The following SERGEF variants were observed in gnomAD, a reference collection of about 807,000 sequenced individuals.
The protein encoded by SERGEF is secretion regulating guanine nucleotide exchange factor, also known as secretion-regulating guanine nucleotide exchange factor.
A neutral mutation model predicts 50.0 loss-of-function variants in SERGEF; 51 were observed. The ratio of observed to expected loss-of-function variants is 1.02; its 90% CI spans 0.81 to 1.29. The LOEUF is 1.29. Ranked by LOEUF, SERGEF falls within the 50% of genes most tolerant of loss-of-function variation. The pLI is 0.00. For synonymous variants in SERGEF, 205 were observed against 212.4 expected, an observed-to-expected ratio of 0.97 and a Z score of 0.30; for missense variants, 521 against 557.0, an observed-to-expected ratio of 0.94 and a Z score of 0.65.
At chr11:17,797,918 C>A (rs1849598655) in intron 10 of SERGEF, among the ~76,000 whole-genome samples, 1 of 152,104 alleles carries the variant, frequency 6.6e-6, no homozygotes, top group South Asian at 2.1e-4. Context: ...GGTCCTGAGC[C>A]CCCAGGACAG....
At chr11:17,866,180 C>T (rs1320025857) in intron 10 of SERGEF, among the ~76,000 whole-genome samples, 5 of 152,228 alleles carry the variant, frequency 3.3e-5, no homozygotes, top group Admixed American at 2.0e-4. Flanking sequence ...TTCTGAATAG[C>T]ACAAGCTAGA....
intron 6 of SERGEF, among the ~76,000 whole-genome samples, chr11:17,993,630 A>G (rs758469517): frequency 3.9e-5 from 6 of 152,198 alleles, no homozygotes; most frequent in Non-Finnish European, 8.8e-5. Context: ...ATGCAGATAG[A>G]CGCAGACTTA....
intron 10 of SERGEF, among the ~76,000 whole-genome samples, chr11:17,860,966 A>T (rs903922091): frequency 4.6e-5 from 7 of 152,182 alleles, no homozygotes; most frequent in African/African-American, 7.2e-5. Flanking sequence ...TTGTTTCAAG[A>T]GTGAAGGCTA....
intron 10 of SERGEF, among the ~76,000 whole-genome samples, chr11:17,790,310 GACTT>G (rs540331907): frequency 6.6e-6 from 1 of 151,538 alleles, no homozygotes; most frequent in African/African-American, 2.4e-5. Context: ...TTGTTTTAAA[GACTT>G]ACACAAATAG....
intron 8 of SERGEF, among the ~76,000 whole-genome samples, chr11:17,961,192 TC>T (rs1852989316): frequency 6.6e-6 from 1 of 152,196 alleles, no homozygotes; most frequent in South Asian, 2.1e-4. Flanking sequence ...CTAAGCCACA[TC>T]CCTTTCTACT....
chr11:17,937,403 G>A (rs1409414412), intron 9 of SERGEF, among the ~76,000 whole-genome samples: 1 of 152,026 alleles, frequency 6.6e-6, no homozygotes, highest in Admixed American at 6.6e-5. Flanking sequence ...CAGGCGTGGT[G>A]GTGCGTGCCT....
At chr11:17,907,447 A>T (rs964018602) in intron 9 of SERGEF, among the ~76,000 whole-genome samples, 1 of 152,250 alleles carries the variant, frequency 6.6e-6, no homozygotes, top group Non-Finnish European at 1.5e-5. Flanking sequence ...TTGCATTTCA[A>T]TCTGCCTACA....
At chr11:17,882,537 G>A (rs1233796612) in intron 9 of SERGEF, among the ~76,000 whole-genome samples, 3 of 152,058 alleles carry the variant, frequency 2.0e-5, no homozygotes, top group Non-Finnish European at 2.9e-5. Context: ...ACAGCACTAT[G>A]TATCATGGCC....
intron 9 of SERGEF, among the ~76,000 whole-genome samples, chr11:17,944,078 C>A (rs1480325720): frequency 6.6e-6 from 1 of 152,128 alleles, no homozygotes; most frequent in East Asian, 1.9e-4. Context: ...CAGGCACGTG[C>A]CACCATGCCC....
intron 10 of SERGEF, among the ~76,000 whole-genome samples, chr11:17,822,666 A>C (rs1850106410): frequency 6.6e-6 from 1 of 152,188 alleles, no homozygotes; most frequent in Non-Finnish European, 1.5e-5. Context: ...GCCAAGGCTC[A>C]CTGATTCCAA....
intron 8 of SERGEF, among the ~76,000 whole-genome samples, chr11:17,981,941 C>T (rs760447638): frequency 3.5e-4 from 54 of 152,148 alleles, no homozygotes; most frequent in African/African-American, 1.2e-3. Flanking sequence ...GCTGGGACCA[C>T]AGGCACGCAC....
intron 4 of SERGEF, among the ~76,000 whole-genome samples, chr11:18,003,652 G>A (rs1590247010): frequency 6.6e-6 from 1 of 152,136 alleles, no homozygotes; most frequent in Admixed American, 6.5e-5. Flanking sequence ...GCAGTGAGCC[G>A]GGATCGCGCC....
chr11:17,960,352 C>T (rs1399839379), intron 8 of SERGEF, among the ~76,000 whole-genome samples: 4 of 152,206 alleles, frequency 2.6e-5, no homozygotes, highest in African/African-American at 9.6e-5. Flanking sequence ...ATGAGATTTG[C>T]AAAAGGAGAA....
chr11:17,984,695 G>A (rs1441812738), intron 8 of SERGEF, among the ~76,000 whole-genome samples: 1 of 152,208 alleles, frequency 6.6e-6, no homozygotes, highest in Non-Finnish European at 1.5e-5. Context: ...GAGACAGAGA[G>A]AGGTGGAGCT....
intron 7 of SERGEF, 21 bp downstream of exon 7, chr11:17,992,910 C>A (rs182333933): frequency 1.9e-6 from 3 of 1,607,170 alleles, no homozygotes; most frequent in East Asian, 2.2e-5. Flanking sequence ...CATGTTAAAC[C>A]GTGAAAGAGC....
chr11:17,881,265 G>A (rs1851327612), intron 9 of SERGEF, among the ~76,000 whole-genome samples: 1 of 152,242 alleles, frequency 6.6e-6, no homozygotes, highest in Non-Finnish European at 1.5e-5. Flanking sequence ...CTGGGGCTGT[G>A]ACTGTAGAGC....
intron 7 of SERGEF, among the ~76,000 whole-genome samples, chr11:17,990,110 T>C (rs970293874): frequency 3.9e-5 from 6 of 152,206 alleles, no homozygotes; most frequent in African/African-American, 1.4e-4. Context: ...CCAATAAAAC[T>C]TGATAGTATT....
chr11:17,931,441 G>C (rs564387653), intron 9 of SERGEF, among the ~76,000 whole-genome samples: 2 of 152,236 alleles, frequency 1.3e-5, no homozygotes, highest in African/African-American at 4.8e-5. Flanking sequence ...TGGGCCTGCT[G>C]CCTTGCAATA....
At chr11:17,899,925 C>T (rs1851717212) in intron 9 of SERGEF, among the ~76,000 whole-genome samples, 1 of 149,600 alleles carries the variant, frequency 6.7e-6, no homozygotes, top group African/African-American at 2.5e-5. Context: ...GACTACACTC[C>T]AGCCTGAATT....
Sources: gnomAD v4.1 joint callset for allele counts (sites outside exome capture counted in the v4.1 genomes callset) on GRCh38, gnomAD v4.1.1 for gene constraint, MANE v1.5 for transcripts, NCBI Gene and HGNC (gene_info 2026-07-23, HGNC 2026-07-21) for gene names.